MAD1L1: variants seen among roughly 807,000 people sequenced by gnomAD.
The protein encoded by MAD1L1 is mitotic spindle assembly checkpoint protein MAD1.
A neutral mutation model predicts 96.9 loss-of-function variants in MAD1L1; 95 were observed. The observed-to-expected ratio is 0.98, with a 90% CI of 0.83 to 1.16. The LOEUF (loss-of-function observed/expected upper bound fraction) is 1.16. Ranked by LOEUF, MAD1L1 falls within the 50% of genes most tolerant of loss-of-function variation. The pLI, the probability that MAD1L1 is intolerant of heterozygous loss-of-function variation, is 0.00. For missense variants in MAD1L1, 1,007 were observed against 954.4 expected (o/e 1.06, Z -0.73); for synonymous variants, 473 against 396.6 (o/e 1.19, Z -2.29).
intron 18 of MAD1L1, among the ~76,000 whole-genome samples, chr7:1,890,223 G>A (rs1786452946): frequency 6.6e-6 from 1 of 152,232 alleles, no homozygotes; most frequent in South Asian, 2.1e-4. Context: ...GTACGTCCCT[G>A]ACAAGTCTCA....
At chr7:1,874,843 G>A (rs1293778901) in intron 18 of MAD1L1, among the ~76,000 whole-genome samples, 2 of 152,056 alleles carry the variant, frequency 1.3e-5, no homozygotes, top group Non-Finnish European at 2.9e-5. Flanking sequence ...GGAGGGGAAG[G>A]CAGGGAGAGA....
Position 2,103,555 on chromosome 7 carries a change from G to T in MAD1L1, c.1074-34217C>A, listed in dbSNP as rs372278874. ...TGTTGGGCGGGGCAACCGCAGATGG[G>T]CCAGCACTGGGGCAAAGCCCACCAC... is the stretch of plus-strand genomic sequence containing the variant. On this transcript the variant is annotated intron_variant, in intron 11 of 18. Transcript: ENST00000265854. This position sits in a 1 kb window ranked among gnomAD's most constrained non-coding sequence, Gnocchi z 4.3. Among the ~76,000 whole-genome samples, 10 of 152,268 alleles carry T rather than the reference G, an allele frequency of 6.6e-5. 1 individual carries two copies. The highest frequency in any genetic ancestry group is 2.2e-4 in the African/African-American group (9 of 41,566).
intron 1 of MAD1L1, among the ~76,000 whole-genome samples, chr7:2,231,998 T>C (rs969327149): frequency 1.3e-5 from 2 of 152,102 alleles, no homozygotes; most frequent in Non-Finnish European, 2.9e-5. Flanking sequence ...TTACACAGAT[T>C]CTAGAGATGA....
intron 18 of MAD1L1, among the ~76,000 whole-genome samples, chr7:1,825,493 T>C (rs139306889): frequency 0.015 from 2,293 of 152,366 alleles, 56 homozygotes; most frequent in African/African-American, 0.052. Context: ...CCGCTGAGGC[T>C]ACCTGTCATA....
chr7:2,045,759 G>A (rs1011180833), intron 12 of MAD1L1, among the ~76,000 whole-genome samples: 3 of 152,164 alleles, frequency 2.0e-5, no homozygotes, highest in African/African-American at 7.2e-5. Context: ...AGCGGGACAT[G>A]GGAGCCAATT....
chr7:1,914,904 C>T (rs969132659), intron 17 of MAD1L1, among the ~76,000 whole-genome samples: 8 of 152,232 alleles, frequency 5.3e-5, no homozygotes, highest in Non-Finnish European at 1.0e-4. Context: ...ATGAGTGCCG[C>T]GCCGGCCCTG....
chr7:2,038,768 C>T (rs975435644), intron 12 of MAD1L1, among the ~76,000 whole-genome samples: 4 of 152,038 alleles, frequency 2.6e-5, no homozygotes, highest in Non-Finnish European at 4.4e-5. Context: ...CCGCCCACCT[C>T]GACCTCTCAA....
intron 11 of MAD1L1, among the ~76,000 whole-genome samples, chr7:2,118,346 T>G (rs1267598288): frequency 6.6e-6 from 1 of 152,194 alleles, no homozygotes; most frequent in Non-Finnish European, 1.5e-5. Context: ...CACGGCACAC[T>G]GTGCAGGTGA....
At chr7:2,102,312 ACCATCACCG>A (rs1786839296) in intron 11 of MAD1L1, among the ~76,000 whole-genome samples, 1 of 148,606 alleles carries the variant, frequency 6.7e-6, no homozygotes, top group Non-Finnish European at 1.5e-5. Flanking sequence ...CACCACCGTC[ACCATCACCG>A]CCGTCACCAT....
At chr7:2,009,001 G>A (rs919081983) in intron 13 of MAD1L1, among the ~76,000 whole-genome samples, 5 of 152,146 alleles carry the variant, frequency 3.3e-5, no homozygotes, top group African/African-American at 4.8e-5. Flanking sequence ...AAACCAGTAC[G>A]AGCAGGCCCC....
In MAD1L1 at chr7:2,066,606, T is replaced by G. The variant is rs1784885265; in HGVS notation, c.1218+2588A>C. ...AAGCAGAGCAGAGAAGAACAGAAAC[T>G]TCCTGCCCTGAGCGGGCCGGGGTGG... On this transcript the variant is annotated intron_variant, in intron 12 of 18. Transcript: ENST00000265854. Among the ~76,000 whole-genome samples the G allele has an allele frequency of 2.0e-5, 3 of 152,240 alleles. No homozygotes were observed. In the South Asian group the frequency reaches 6.2e-4, roughly 32 times the overall value.
intron 13 of MAD1L1, among the ~76,000 whole-genome samples, chr7:2,006,190 G>C (rs1259827251): frequency 6.6e-6 from 1 of 152,210 alleles, no homozygotes; most frequent in Non-Finnish European, 1.5e-5. Context: ...AGAGAACACA[G>C]ACGAGCAGGC....
intron 10 of MAD1L1, chr7:2,210,103 G>GT (rs1312861461): frequency 6.6e-6 from 1 of 152,180 alleles, no homozygotes; most frequent in African/African-American, 2.4e-5. Flanking sequence ...TTTTGTTTTT[G>GT]TTTTTTAGAG....
intron 12 of MAD1L1, among the ~76,000 whole-genome samples, chr7:2,028,408 G>C (rs187834143): frequency 0.012 from 1,606 of 129,944 alleles, 16 homozygotes; most frequent in Non-Finnish European, 0.017. Flanking sequence ...CTGGGCGACA[G>C]AGCAAGACTC....
rs556372338 is a variant in MAD1L1 at position 1,859,237 on chromosome 7, C to A, written c.1998+38963G>T. Among the ~76,000 whole-genome samples the A allele has an allele frequency of 4.6e-5, 7 of 152,338 alleles. No homozygotes were observed. In the South Asian group the frequency reaches 1.5e-3, roughly 32 times the overall value. On this transcript the variant is annotated intron_variant, in intron 18 of 18. Coordinates refer to ENST00000265854, the MANE Select transcript of MAD1L1 (RefSeq NM_001013836.2). ...AGAGCCACTTCCCAGAACGCTCAGGCAGACAGCTGGGTGCGCAGCAGCTGT... is the reference window on the plus strand; with the variant it reads ...AGAGCCACTTCCCAGAACGCTCAGGAAGACAGCTGGGTGCGCAGCAGCTGT...
At chr7:1,992,258 C>T (rs1172674511) in intron 14 of MAD1L1, among the ~76,000 whole-genome samples, 1 of 152,228 alleles carries the variant, frequency 6.6e-6, no homozygotes, top group African/African-American at 2.4e-5. Context: ...GCCCCATTTA[C>T]ACTCACGGAG....
At position 2,068,905 on chromosome 7, in the gene MAD1L1, C is replaced by T. The variant is rs372342243; in HGVS notation, c.1218+289G>A. ...CACGTGGGAGCCTGCAGGGGGTCCG[C>T]AGTGACAGGGAACCCTCTCCAGAGC... On this transcript the variant is annotated intron_variant, in intron 12 of 18. Coordinates refer to ENST00000265854, the MANE Select transcript of MAD1L1 (RefSeq NM_001013836.2). Among the ~76,000 whole-genome samples the T allele has an allele frequency of 1.8e-3, 267 of 152,334 alleles. 9 individuals carry two copies. In the South Asian group the frequency reaches 0.053, roughly 30 times the overall value.
chr7:1,906,551 T>C (rs1418435646), intron 17 of MAD1L1, among the ~76,000 whole-genome samples: 1 of 152,252 alleles, frequency 6.6e-6, no homozygotes. Flanking sequence ...CATGCTCTTT[T>C]CCTGCAGGGC....
intron 15 of MAD1L1, among the ~76,000 whole-genome samples, chr7:1,974,960 C>A (rs1780568215): frequency 6.6e-6 from 1 of 152,190 alleles, no homozygotes; most frequent in Admixed American, 6.5e-5. Flanking sequence ...GCAGGCCGGA[C>A]CTGGGGAGCG....
Sources: allele counts gnomAD v4.1 joint callset (sites outside exome capture counted in the v4.1 genomes callset), GRCh38; gene constraint gnomAD v4.1.1; non-coding constraint Gnocchi (gnomAD v3.1); transcripts MANE v1.5; gene names NCBI Gene and HGNC (gene_info 2026-07-23, HGNC 2026-07-21).